Variants in GREB1L observed in about 807,000 individuals in gnomAD.
The protein encoded by GREB1L is GREB1-like protein.
In GREB1L, 17 loss-of-function variants were observed where a neutral mutation model predicts 200.8. That is an observed-to-expected ratio of 0.08 (90% CI 0.06 to 0.13). The LOEUF is 0.13. Among genes scored for constraint, GREB1L ranks in the 10% least tolerant of loss-of-function variants. The pLI is 1.00. For missense variants in GREB1L, 1,657 were observed against 2,367.7 expected (o/e 0.70, Z 6.23); for synonymous variants, 789 against 893.0 (o/e 0.88, Z 2.08).
Position 21,454,447 on chromosome 18 carries a change from C to T in GREB1L, c.2066C>T (p.Ala689Val), listed in dbSNP as rs750147995. The T allele has an allele frequency of 1.5e-5, 23 of 1,551,462 alleles. No individual in the cohort carries two copies. Among genetic ancestry groups the T allele is most frequent in the Admixed American group, 2.0e-5 (1 of 50,982 alleles). ...CTCTTATCCCAGGTGTGTGCTATAG[C>T]GGACAGTGGCAGCCAGAGCCTGGAC... Reference protein sequence around the residue: ...RKLLSQVCAIADSGSQSLDLG... With the variant: ...RKLLSQVCAIVDSGSQSLDLG... The change falls in exon 15 of 33, where the codon GCG (alanine) becomes GTG (valine). Residue 689 changes from alanine to valine, a missense_variant. By Grantham distance (64) the Ala-to-Val change is moderately conservative. Transcript: ENST00000424526.
chr18:21,457,250 C>T (rs1006631603), intron 15 of GREB1L, among the ~76,000 whole-genome samples: 4 of 151,478 alleles, frequency 2.6e-5, no homozygotes, highest in African/African-American at 9.7e-5. Flanking sequence ...CAGAATTTGA[C>T]CAATTATGTA....
rs367822607 is a variant in GREB1L, at chr18:21,269,572, A to G, written c.-120+27179A>G. ...TTTCTGCCAGTAGGAATGAAAATAC[A>G]AGGCCTATGGAAAAAATTAATTAAA... is the stretch of plus-strand genomic sequence containing the variant. On this transcript the variant is annotated intron_variant, in intron 1 of 32. Coordinates refer to ENST00000424526, the MANE Select transcript of GREB1L (RefSeq NM_001142966.3). 4.6e-5 allele frequency among the ~76,000 whole-genome samples: 7 copies of G among 152,296 alleles called. No individual in the cohort carries two copies. In the East Asian group the frequency reaches 1.2e-3, roughly 25 times the overall value.
In GREB1L at chr18:21,523,606, G is replaced by C. The variant is rs958570274; in HGVS notation, c.*785G>C. The C allele has an allele frequency of 1.3e-5, 2 of 152,142 alleles. No homozygotes were observed. The highest frequency in any genetic ancestry group is 6.5e-5 in the Admixed American group (1 of 15,280). The allele number at this position is 152,142 out of a possible 1,614,324, so 9.4% of individuals were successfully genotyped here. ...ACTATGGAACAGTGATTAATCTTTTGCAAGAACTTAAGTCAGTTAAGAAGC... is the reference window on the plus strand; with the variant it reads ...ACTATGGAACAGTGATTAATCTTTTCCAAGAACTTAAGTCAGTTAAGAAGC... On this transcript the variant is annotated 3_prime_UTR_variant, in exon 33 of 33. Coordinates refer to ENST00000424526, the MANE Select transcript of GREB1L (RefSeq NM_001142966.3).
chr18:21,313,286 T>A (rs1214709601), intron 1 of GREB1L, among the ~76,000 whole-genome samples: 1 of 152,202 alleles, frequency 6.6e-6, no homozygotes, highest in African/African-American at 2.4e-5. Context: ...CAACTATGTC[T>A]ACTTCACCAA....
intron 1 of GREB1L, among the ~76,000 whole-genome samples, chr18:21,279,161 G>A (rs754825919): frequency 1.9e-4 from 29 of 152,018 alleles, no homozygotes; most frequent in Non-Finnish European, 3.2e-4. Flanking sequence ...TAGAAAATTT[G>A]AGAAATAGAG....
chr18:21,410,251 T>A (rs148949817), intron 7 of GREB1L, among the ~76,000 whole-genome samples: 1,715 of 152,274 alleles, frequency 0.011, 12 homozygotes, highest in Middle Eastern at 0.031. Context: ...GGCCACTTTA[T>A]GATTTTCTTG....
At chr18:21,470,394 C>A (rs1191688095) in intron 15 of GREB1L, among the ~76,000 whole-genome samples, 1 of 152,028 alleles carries the variant, frequency 6.6e-6, no homozygotes, top group Non-Finnish European at 1.5e-5. Flanking sequence ...CTATTTAGAT[C>A]ATTTTTAACA....
At chr18:21,291,729 C>A (rs1301262162) in intron 1 of GREB1L, among the ~76,000 whole-genome samples, 1 of 152,122 alleles carries the variant, frequency 6.6e-6, no homozygotes, top group Non-Finnish European at 1.5e-5. Flanking sequence ...AGGTTGAACT[C>A]ATGCAGCTCA....
At chr18:21,502,175 C>T (rs770586602) in intron 23 of GREB1L, among the ~76,000 whole-genome samples, 8 of 151,570 alleles carry the variant, frequency 5.3e-5, no homozygotes, top group Non-Finnish European at 1.2e-4. Flanking sequence ...TGTTTGAACC[C>T]GGGAGGCGGA....
intron 29 of GREB1L, 141 bp downstream of exon 29, chr18:21,515,785 CA>C: frequency 1.5e-6 from 1 of 674,348 alleles, no homozygotes; most frequent in Non-Finnish European, 2.5e-6. Context: ...AGGGGGATCA[CA>C]AGCCCCAAAG....
At chr18:21,278,247 G>T (rs1464127209) in intron 1 of GREB1L, among the ~76,000 whole-genome samples, 3 of 151,946 alleles carry the variant, frequency 2.0e-5, no homozygotes, top group Admixed American at 1.3e-4. Flanking sequence ...AGGCGTGGTG[G>T]CAGGCGTCTG....
chr18:21,323,413 C>T (rs553334281), intron 1 of GREB1L, among the ~76,000 whole-genome samples: 24 of 152,218 alleles, frequency 1.6e-4, no homozygotes, highest in Admixed American at 1.4e-3. Context: ...TGTGAAGAGT[C>T]CTTCTATATC....
chr18:21,346,622 C>A (rs145810787), intron 1 of GREB1L, among the ~76,000 whole-genome samples: 1 of 152,070 alleles, frequency 6.6e-6, no homozygotes. Context: ...TTTCCACAGC[C>A]CTTTCTCCTG....
At chr18:21,275,591 T>C (rs2038150217) in intron 1 of GREB1L, among the ~76,000 whole-genome samples, 1 of 152,110 alleles carries the variant, frequency 6.6e-6, no homozygotes, top group African/African-American at 2.4e-5. Flanking sequence ...AGGCAGAGGT[T>C]GCAGTGAGCT....
intron 4 of GREB1L, among the ~76,000 whole-genome samples, chr18:21,385,730 G>C (rs2040512371): frequency 6.6e-6 from 1 of 152,100 alleles, no homozygotes; most frequent in Admixed American, 6.6e-5. Context: ...TCATTTATCA[G>C]GTAACAAAAT....
At chr18:21,463,177 G>GCT (rs2035124983) in intron 15 of GREB1L, among the ~76,000 whole-genome samples, 1 of 108,152 alleles carries the variant, frequency 9.2e-6, no homozygotes, top group Middle Eastern at 0.011. Flanking sequence ...ATGGAGTCTC[G>GCT]CTCTGTCCCC....
chr18:21,522,715 G>A lies in GREB1L; in HGVS notation c.5666G>A (p.Arg1889His), dbSNP rs1331143277. The A allele has an allele frequency of 1.9e-5, 30 of 1,551,496 alleles. No individual in the cohort carries two copies. The highest frequency in any genetic ancestry group is 3.3e-4 in the Middle Eastern group (2 of 6,014). Residue 1889 changes from arginine to histidine, a missense_variant, in exon 33 of 33, where the codon CGC becomes CAC. Transcript: ENST00000424526. ...DRSSLRQTIVRLELEDEWQFR... is the reference protein window; with the variant it reads ...DRSSLRQTIVHLELEDEWQFR... ...AGTTCCTTGCGCCAAACAATTGTCC[G>A]CTTAGAGCTAGAAGATGAGTGGCAG...
intron 15 of GREB1L, among the ~76,000 whole-genome samples, chr18:21,465,024 CATGTTAAGTAAACATT>C (rs573833847): frequency 1.5e-3 from 224 of 152,216 alleles, no homozygotes; most frequent in African/African-American, 5.3e-3. Context: ...TAGAACATGA[CATGTTAAGTAAACATT>C]ATGGAATGGC....
intron 4 of GREB1L, among the ~76,000 whole-genome samples, chr18:21,393,813 C>T (rs1338186894): frequency 6.6e-6 from 1 of 152,054 alleles, no homozygotes; most frequent in Non-Finnish European, 1.5e-5. Flanking sequence ...CCACCCACCT[C>T]GGCCTCCGAA....
Sources: allele counts gnomAD v4.1 joint callset (sites outside exome capture counted in the v4.1 genomes callset), GRCh38; gene constraint gnomAD v4.1.1; transcripts MANE v1.5; gene names NCBI Gene and HGNC (gene_info 2026-07-23, HGNC 2026-07-21).